Variants in APBB1IP observed in about 807,000 individuals in gnomAD.
APBB1IP encodes the protein amyloid beta A4 precursor protein-binding family B member 1-interacting protein.
In APBB1IP, 27 loss-of-function variants were observed where a neutral mutation model predicts 64.9. The ratio of observed to expected loss-of-function variants is 0.42; its 90% CI spans 0.31 to 0.57. The LOEUF (loss-of-function observed/expected upper bound fraction) is 0.57. Among genes scored for constraint, APBB1IP ranks in the 20% least tolerant of loss-of-function variants. The probability of loss-of-function intolerance (pLI) is 0.20; values close to 1 mark genes in which losing one functional copy is unlikely to be tolerated. For missense variants in APBB1IP, 812 were observed against 845.5 expected (o/e 0.96, Z 0.49); for synonymous variants, 392 against 331.0 (o/e 1.18, Z -2.00).
intron 3 of APBB1IP, among the ~76,000 whole-genome samples, chr10:26,495,962 ATT>A (rs530008494): frequency 2.3e-5 from 3 of 131,210 alleles, no homozygotes; most frequent in Non-Finnish European, 4.5e-5. Context: ...TTTTATATAT[ATT>A]TAATATATAT....
intron 6 of APBB1IP, among the ~76,000 whole-genome samples, chr10:26,505,487 T>C (rs1394373393): frequency 6.6e-6 from 1 of 152,132 alleles, no homozygotes; most frequent in Non-Finnish European, 1.5e-5. Flanking sequence ...TGAGCTACCC[T>C]GGTTCAATCA....
intron 2 of APBB1IP, among the ~76,000 whole-genome samples, chr10:26,448,886 G>A (rs751160413): frequency 6.6e-6 from 1 of 152,132 alleles, no homozygotes; most frequent in Admixed American, 6.5e-5. Flanking sequence ...GTTGCCCTAG[G>A]CAACCATGGT....
chr10:26,472,354 A>G (rs1281654418), intron 2 of APBB1IP, among the ~76,000 whole-genome samples: 1 of 152,224 alleles, frequency 6.6e-6, no homozygotes, highest in African/African-American at 2.4e-5. Context: ...GCCCAATAAT[A>G]GAAAGGAAAG....
At chr10:26,513,441 G>C (rs1240383383) in intron 7 of APBB1IP, 98 bp from the exon 8 acceptor site, 1 of 1,375,942 alleles carries the variant, frequency 7.3e-7, no homozygotes, top group Non-Finnish European at 1.0e-6. Context: ...CCAGGCACCT[G>C]ATGAAAGTCA....
At chr10:26,487,503 G>A (rs1835906788) in intron 2 of APBB1IP, among the ~76,000 whole-genome samples, 1 of 152,110 alleles carries the variant, frequency 6.6e-6, no homozygotes, top group South Asian at 2.1e-4. Context: ...GTTTACTTAT[G>A]ACTGTACGTT....
Position 26,560,251 on chromosome 10 carries a change from T to C in APBB1IP, c.1254+48T>C, listed in dbSNP as rs1836950168. 5 of 1,549,416 alleles carry C rather than the reference T, an allele frequency of 3.2e-6. No individual in the cohort carries two copies. In the East Asian group the frequency reaches 1.1e-4, roughly 35 times the overall value. ...CCCTGTCTTGAACTTGCCAGCCAAC[T>C]TCCTGACCTGGGCACAGCCTTCCTG... On this transcript the variant is annotated intron_variant, in intron 12 of 14. Coordinates refer to ENST00000376236, the MANE Select transcript of APBB1IP (RefSeq NM_019043.4).
At position 26,495,126 on chromosome 10, in the gene APBB1IP, G is replaced by C. The variant is rs547093564; in HGVS notation, c.73-1178G>C. ...AGGTTCAAGCGATTCTCCTGCCTCAGCCTCCCGAGTAGCTGGGATTACAGG... is the reference window on the plus strand; with the variant it reads ...AGGTTCAAGCGATTCTCCTGCCTCACCCTCCCGAGTAGCTGGGATTACAGG... On this transcript the variant is annotated intron_variant, in intron 3 of 14. Coordinates refer to ENST00000376236, the MANE Select transcript of APBB1IP (RefSeq NM_019043.4). Among the ~76,000 whole-genome samples the C allele has an allele frequency of 2.1e-3, 316 of 151,538 alleles. 1 individual carries two copies. The highest frequency in any genetic ancestry group is 7.0e-3 in the African/African-American group (291 of 41,296).
At chr10:26,498,931 T>C (rs951785597) in intron 4 of APBB1IP, among the ~76,000 whole-genome samples, 1 of 152,186 alleles carries the variant, frequency 6.6e-6, no homozygotes, top group African/African-American at 2.4e-5. Context: ...ATTTGTTTTG[T>C]CTTCCCTTTA....
intron 2 of APBB1IP, among the ~76,000 whole-genome samples, chr10:26,484,387 C>T (rs1322414375): frequency 6.6e-6 from 1 of 152,152 alleles, no homozygotes; most frequent in African/African-American, 2.4e-5. Context: ...ACTGCAAGCT[C>T]CGCCTCCCGG....
chr10:26,441,453 G>A (rs960114153), intron 2 of APBB1IP, among the ~76,000 whole-genome samples: 8 of 152,184 alleles, frequency 5.3e-5, no homozygotes, highest in Non-Finnish European at 8.8e-5. Flanking sequence ...CAGCTTGGAA[G>A]GGCAGACCCT....
Position 26,496,292 on chromosome 10 carries a change from CT to C in APBB1IP, c.73-6del. 3.8e-6 allele frequency: 6 copies of C among 1,598,688 alleles called. No homozygotes were observed. Among genetic ancestry groups the C allele is most frequent in the Admixed American group, 1.7e-5 (1 of 59,122 alleles). On this transcript the variant is annotated splice_polypyrimidine_tract_variant and intron_variant, in intron 3 of 14. Transcript: ENST00000376236. The stretch of plus-strand genomic sequence containing the variant: ...TCATGAATAACTTTGATGGGGGGAT[CT>C]TTTTTCACAGAGTTTAGGAGTTGAC...
chr10:26,545,550 GGAGATCGA>G (rs1321761502), intron 11 of APBB1IP, among the ~76,000 whole-genome samples: 1 of 152,100 alleles, frequency 6.6e-6, no homozygotes, highest in African/African-American at 2.4e-5. Flanking sequence ...CACGAGGTCA[GGAGATCGA>G]GACCATCCTG....
intron 2 of APBB1IP, among the ~76,000 whole-genome samples, chr10:26,439,478 G>C (rs979190474): frequency 6.6e-6 from 1 of 152,146 alleles, no homozygotes; most frequent in Admixed American, 6.5e-5. Context: ...TCATAATTTG[G>C]CTTGAAATGA....
chr10:26,535,337 TAGTA>T (rs1311748640), intron 9 of APBB1IP, among the ~76,000 whole-genome samples: 2 of 152,154 alleles, frequency 1.3e-5, no homozygotes, highest in Non-Finnish European at 2.9e-5. Context: ...TGTGGGTACA[TAGTA>T]TGTATACATT....
At chr10:26,514,676 TA>T (rs33916010) in intron 8 of APBB1IP, among the ~76,000 whole-genome samples, 25,500 of 147,014 alleles carry the variant, frequency 0.17, 2,523 homozygotes, top group East Asian at 0.44. Context: ...TTTTACAGGT[TA>T]AAAAAAAAAA....
chr10:26,548,316 TC>T (rs1836791751), intron 11 of APBB1IP, among the ~76,000 whole-genome samples: 1 of 151,788 alleles, frequency 6.6e-6, no homozygotes, highest in Non-Finnish European at 1.5e-5. Flanking sequence ...TAGGTATGTC[TC>T]CTAATGCTAT....
At chr10:26,528,413 A>G (rs1836506085) in intron 8 of APBB1IP, among the ~76,000 whole-genome samples, 2 of 152,186 alleles carry the variant, frequency 1.3e-5, no homozygotes, top group African/African-American at 2.4e-5. Context: ...CTACCAGAAC[A>G]TTGAACAGCT....
intron 5 of APBB1IP, chr10:26,501,367 A>G: frequency 1.8e-6 from 1 of 548,130 alleles, no homozygotes; most frequent in Non-Finnish European, 3.2e-6. Flanking sequence ...TGCAAAAACT[A>G]TTTGATAAAA....
chr10:26,456,547 G>A (rs568211509), intron 2 of APBB1IP, among the ~76,000 whole-genome samples: 241 of 151,976 alleles, frequency 1.6e-3, no homozygotes, highest in Non-Finnish European at 2.9e-3. Flanking sequence ...ACAGAACTGG[G>A]TTTTAAGAAG....
Sources: gnomAD v4.1 joint callset for allele counts (sites outside exome capture counted in the v4.1 genomes callset) on GRCh38, gnomAD v4.1.1 for gene constraint, MANE v1.5 for transcripts, NCBI Gene and HGNC (gene_info 2026-07-23, HGNC 2026-07-21) for gene names.